Variants in AGO2 observed in about 807,000 individuals in gnomAD.
AGO2 encodes the protein protein argonaute-2.
AGO2 carries 5 observed loss-of-function variants against 102.3 expected under a neutral mutation model. The observed-to-expected ratio is 0.05, with a 90% CI of 0.03 to 0.10. The LOEUF is 0.10. Ranked by LOEUF, AGO2 falls within the 10% of genes least tolerant of loss-of-function variation. AGO2 has a pLI of 1.00. For missense variants in AGO2, 541 were observed against 1,183.7 expected (o/e 0.46, Z 7.97); for synonymous variants, 449 against 473.1 (o/e 0.95, Z 0.66).
Position 140,580,974 on chromosome 8 carries a change from C to T in AGO2, c.215+4145G>A, listed in dbSNP as rs553304737. ...GTAGCACAGTCCTGGAAAGACATCACGTTCTCATCACCCTCAGCTTCTTTC... is the reference window on the plus strand; with the variant it reads ...GTAGCACAGTCCTGGAAAGACATCATGTTCTCATCACCCTCAGCTTCTTTC... On this transcript the variant is annotated intron_variant, in intron 2 of 18. Coordinates refer to ENST00000220592, the MANE Select transcript of AGO2 (RefSeq NM_012154.5). Among the ~76,000 whole-genome samples the T allele has an allele frequency of 5.1e-4, 77 of 152,358 alleles. 1 individual carries two copies. The highest frequency in any genetic ancestry group is 2.0e-3 in the Admixed American group (31 of 15,296).
chr8:140,636,086 C>T (rs2074406081), upstream of AGO2, among the ~76,000 whole-genome samples: 1 of 151,176 alleles, frequency 6.6e-6, no homozygotes, highest in South Asian at 2.1e-4. Context: ...GGGCGCAGAA[C>T]CCTCCCACCC....
At position 140,585,204 on chromosome 8, in the gene AGO2, A is replaced by C; in HGVS notation, c.130T>G (p.Phe44Val). 6.2e-7 allele frequency: 1 copy of C among 1,614,188 alleles called. No homozygotes were observed. The highest frequency in any genetic ancestry group is 8.5e-7 in the Non-Finnish European group (1 of 1,180,034). ...ATTTTGGGGATGTCCATTTCGAAGA[A>C]ATTGGCCTGTAATTTGATTGTTCTC... ...SGRTIKLQANFFEMDIPKIDI... is the reference protein window; with the variant it reads ...SGRTIKLQANVFEMDIPKIDI... The change falls in exon 2 of 19, where the codon TTC becomes GTC. Residue 44 changes from phenylalanine (F) to valine (V), a missense_variant. By Grantham distance (50) the Phe-to-Val change is conservative. This residue lies in a region of AGO2 where 147 missense variants were observed against 204.1 expected (regional missense o/e 0.72). Transcript: ENST00000220592.
At position 140,539,814 on chromosome 8, in the gene AGO2, C is replaced by T. The variant is rs1056440218; in HGVS notation, c.2035-360G>A. ...AGCTCAGGGCAGGCTTTGGGCTGGG[C>T]GCAGTGGCTCATGCCTGTAATCCCA... On this transcript the variant is annotated intron_variant, in intron 15 of 18. Transcript: ENST00000220592. This position sits in a 1 kb window ranked among gnomAD's most constrained non-coding sequence, Gnocchi z 4.7. Among the ~76,000 whole-genome samples, 8 of 152,152 alleles carry T rather than the reference C, an allele frequency of 5.3e-5. No homozygotes were observed. The highest frequency in any genetic ancestry group is 1.0e-4 in the Non-Finnish European group (7 of 68,030).
chr8:140,640,043 C>CT (rs1189554451), upstream of AGO2, among the ~76,000 whole-genome samples: 3 of 152,188 alleles, frequency 2.0e-5, no homozygotes, highest in African/African-American at 7.2e-5. Context: ...GTGCCTTGCT[C>CT]TGTCTCCTAG....
intron 1 of AGO2, among the ~76,000 whole-genome samples, chr8:140,601,067 C>T (rs944142987): frequency 4.6e-5 from 7 of 152,246 alleles, no homozygotes; most frequent in African/African-American, 1.4e-4. Context: ...TGTGTCCACA[C>T]AGCAGCCAGA....
Position 140,557,590 on chromosome 8 carries a change from C to T in AGO2, c.879-354G>A, listed in dbSNP as rs866960259. Among the ~76,000 whole-genome samples the T allele has an allele frequency of 2.0e-5, 3 of 152,210 alleles. No individual in the cohort carries two copies. The highest frequency in any genetic ancestry group is 1.3e-4 in the Admixed American group (2 of 15,290). On this transcript the variant is annotated intron_variant, in intron 7 of 18. Coordinates refer to ENST00000220592, the MANE Select transcript of AGO2 (RefSeq NM_012154.5). The surrounding 1 kb of genome is among the most constrained non-coding windows in gnomAD (Gnocchi z 5.9). ...CCCTGGAAGCCTTTTACGTGCCGCGCGCTCCCGGTGCCCAGAAGGCCTGAA... is the reference window on the plus strand; with the variant it reads ...CCCTGGAAGCCTTTTACGTGCCGCGTGCTCCCGGTGCCCAGAAGGCCTGAA...
At chr8:140,635,789 C>CGCGGCGGCG (rs528099474), upstream of AGO2, among the ~76,000 whole-genome samples, 5 of 129,580 alleles carry the variant, frequency 3.9e-5, no homozygotes, top group African/African-American at 8.5e-5. Flanking sequence ...GGGCGGGGTC[C>CGCGGCGGCG]GCGGCGGCGG....
At chr8:140,634,939 C>G (rs2074386009) in intron 1 of AGO2, among the ~76,000 whole-genome samples, 1 of 152,076 alleles carries the variant, frequency 6.6e-6, no homozygotes, top group Non-Finnish European at 1.5e-5. Context: ...AGACTCACCG[C>G]GGCTGGGGTC....
chr8:140,634,515 C>T (rs1457881502), intron 1 of AGO2, among the ~76,000 whole-genome samples: 1 of 152,258 alleles, frequency 6.6e-6, no homozygotes, highest in Non-Finnish European at 1.5e-5. Flanking sequence ...AGCCACGTGC[C>T]CGGTGGGAGC....
At chr8:140,544,084 G>T in intron 14 of AGO2, 129 bp downstream of exon 14, 1 of 986,352 alleles carries the variant, frequency 1.0e-6, no homozygotes, top group South Asian at 1.9e-5. Flanking sequence ...GACCCCGGCC[G>T]TCCCTACCGC....
At chr8:140,618,870 GT>G (rs943433996) in intron 1 of AGO2, among the ~76,000 whole-genome samples, 67 of 149,000 alleles carry the variant, frequency 4.5e-4, no homozygotes, top group Admixed American at 9.4e-4. Flanking sequence ...ATTACAGGTG[GT>G]TTTTTTTTTC....
chr8:140,545,353 C>G (rs912671817), intron 13 of AGO2, among the ~76,000 whole-genome samples: 1 of 152,200 alleles, frequency 6.6e-6, no homozygotes, highest in African/African-American at 2.4e-5. Flanking sequence ...TGCGTCTGGC[C>G]CGCTGCAGGA....
At chr8:140,639,757 A>G (rs1225642103), upstream of AGO2, among the ~76,000 whole-genome samples, 1 of 152,180 alleles carries the variant, frequency 6.6e-6, no homozygotes, top group East Asian at 1.9e-4. Flanking sequence ...TGGGTGACAG[A>G]GTGAGACCCT....
chr8:140,630,780 A>G (rs2074332185), intron 1 of AGO2, among the ~76,000 whole-genome samples: 2 of 152,254 alleles, frequency 1.3e-5, no homozygotes, highest in African/African-American at 4.8e-5. Context: ...GCTTCTGCTG[A>G]AAGAGGACCA....
At chr8:140,561,295 C>G (rs184331348) in intron 4 of AGO2, among the ~76,000 whole-genome samples, 2 of 152,214 alleles carry the variant, frequency 1.3e-5, no homozygotes, top group African/African-American at 4.8e-5. Context: ...TTGTGGGCTG[C>G]GCTGATCTAA....
chr8:140,568,042 A>C (rs978757255), intron 3 of AGO2, among the ~76,000 whole-genome samples: 2 of 150,800 alleles, frequency 1.3e-5, no homozygotes, highest in Non-Finnish European at 3.0e-5. Flanking sequence ...GGTGGATCAC[A>C]AGGTCAGGAG....
rs777477236 is a variant in AGO2, at chr8:140,532,570, G to A, written c.2317C>T (p.Arg773Cys). 6.2e-7 allele frequency: 1 copy of A among 1,614,276 alleles called. No homozygotes were observed. Among genetic ancestry groups the A allele is most frequent in the South Asian group, 1.1e-5 (1 of 91,084 alleles). ...SHYHVLWDDN[R>C]FSSDELQILT... ...ATCTGCAGCTCATCAGAGGAGAAAC[G>A]ATTGTCGTCCCAGAGGACGTGATAG... Residue 773 changes from arginine (R) to cysteine (C), a missense_variant, in exon 18 of 19, where the codon CGT becomes TGT. By Grantham distance (180) the Arg-to-Cys change is radical. Coordinates refer to ENST00000220592, the MANE Select transcript of AGO2 (RefSeq NM_012154.5).
upstream of AGO2, among the ~76,000 whole-genome samples, chr8:140,640,201 G>A (rs1235219331): frequency 1.3e-5 from 2 of 152,050 alleles, no homozygotes; most frequent in Admixed American, 1.3e-4. Flanking sequence ...GTAGAGATGG[G>A]GTTTCATCAT....
intron 1 of AGO2, among the ~76,000 whole-genome samples, chr8:140,635,208 G>A (rs2074390815): frequency 6.8e-6 from 1 of 146,422 alleles, no homozygotes; most frequent in Non-Finnish European, 1.5e-5. Context: ...CCGAGGCGCG[G>A]GAGGGGCCCA....
Sources: allele counts gnomAD v4.1 joint callset (sites outside exome capture counted in the v4.1 genomes callset), GRCh38; gene constraint gnomAD v4.1.1; regional missense constraint gnomAD v4.1.1; non-coding constraint Gnocchi (gnomAD v3.1); transcripts MANE v1.5; gene names NCBI Gene and HGNC (gene_info 2026-07-23, HGNC 2026-07-21).